FHAD1: variants seen among roughly 807,000 people sequenced by gnomAD.
The protein encoded by FHAD1 is forkhead-associated domain-containing protein 1.
FHAD1 carries 146 observed loss-of-function variants against 191.3 expected under a neutral mutation model. That is an observed-to-expected ratio of 0.76 (90% CI 0.67 to 0.88). The LOEUF (loss-of-function observed/expected upper bound fraction) is 0.88. Among genes scored for constraint, FHAD1 ranks in the 40% least tolerant of loss-of-function variants. The probability of loss-of-function intolerance (pLI) is 0.00; values close to 1 mark genes in which losing one functional copy is unlikely to be tolerated. For synonymous variants in FHAD1, 616 were observed against 672.3 expected (o/e 0.92, Z 1.29); for missense variants, 1,635 against 1,785.8 (o/e 0.92, Z 1.52).
At chr1:15,245,019 G>A (rs942817099), upstream of FHAD1, among the ~76,000 whole-genome samples, 4 of 152,180 alleles carry the variant, frequency 2.6e-5, no homozygotes, top group Non-Finnish European at 5.9e-5. Context: ...ATCACATGAT[G>A]AGAGAGGAAG....
intron 28 of FHAD1, among the ~76,000 whole-genome samples, chr1:15,376,759 G>A (rs1699765290): frequency 6.6e-6 from 1 of 152,206 alleles, no homozygotes; most frequent in South Asian, 2.1e-4. Flanking sequence ...AAATAGGCCA[G>A]GTGTGGTGGC....
Position 15,308,745 on chromosome 1 carries a change from T to C in FHAD1, c.1039+9T>C. 1 of 1,551,566 alleles carries C rather than the reference T, an allele frequency of 6.4e-7. No individual in the cohort carries two copies. The highest frequency in any genetic ancestry group is 8.7e-7 in the Non-Finnish European group (1 of 1,146,912). ...CAACGCTATCACATCAGGTGAGCCC[T>C]TGGAGTCGGGCCTGGGAGCTGCCAC... On this transcript the variant is annotated intron_variant, in intron 7 of 33. Coordinates refer to ENST00000688493, the MANE Select transcript of FHAD1 (RefSeq NM_001391957.1).
intron 20 of FHAD1, 59 bp downstream of exon 20, chr1:15,353,043 T>G: frequency 2.4e-6 from 3 of 1,274,792 alleles, no homozygotes; most frequent in Non-Finnish European, 3.3e-6. Context: ...GGCAGTGCTC[T>G]AGAGCCAGGC....
At chr1:15,250,981 CG>C (rs2100764268) in intron 1 of FHAD1, among the ~76,000 whole-genome samples, 1 of 152,262 alleles carries the variant, frequency 6.6e-6, no homozygotes, top group Admixed American at 6.5e-5. Context: ...AGATACCTCA[CG>C]TATATTATTG....
intron 2 of FHAD1, among the ~76,000 whole-genome samples, chr1:15,262,483 C>G (rs1429745834): frequency 3.3e-5 from 5 of 152,154 alleles, no homozygotes; most frequent in African/African-American, 9.7e-5. Flanking sequence ...TGTTTCCAGG[C>G]TGGCCTCTAA....
At position 15,377,569 on chromosome 1, in the gene FHAD1, G is replaced by A. The variant is rs8179371; in HGVS notation, c.3705+1839G>A. The stretch of plus-strand genomic sequence containing the variant: ...TTAAGATAAAGGGGCCAAGCACAGT[G>A]GCTCATGCCTGTAATCCCAGCACTT... On this transcript the variant is annotated intron_variant, in intron 28 of 33. Coordinates refer to ENST00000688493, the MANE Select transcript of FHAD1 (RefSeq NM_001391957.1). 2.0e-3 allele frequency among the ~76,000 whole-genome samples: 308 copies of A among 152,318 alleles called. 4 individuals are homozygous for A. In the East Asian group the frequency reaches 0.049, roughly 24 times the overall value.
At chr1:15,340,891 CTTTA>C (rs1228116614) in intron 15 of FHAD1, among the ~76,000 whole-genome samples, 1 of 152,048 alleles carries the variant, frequency 6.6e-6, no homozygotes, top group African/African-American at 2.4e-5. Context: ...TCCAATAAAA[CTTTA>C]TTTACGGCGG....
intron 26 of FHAD1, among the ~76,000 whole-genome samples, chr1:15,370,650 T>C (rs1186715492): frequency 6.6e-6 from 1 of 152,226 alleles, no homozygotes; most frequent in African/African-American, 2.4e-5. Flanking sequence ...AGTGTGTCTT[T>C]GAGTGAAAAC....
At position 15,344,127 on chromosome 1, in the gene FHAD1, G is replaced by A. The variant is rs145051278; in HGVS notation, c.2131-956G>A. Among the ~76,000 whole-genome samples the A allele has an allele frequency of 5.3e-5, 8 of 152,268 alleles. No homozygotes were observed. In the East Asian group the frequency reaches 9.7e-4, roughly 18 times the overall value. On this transcript the variant is annotated intron_variant, in intron 16 of 33. Transcript: ENST00000688493. The stretch of plus-strand genomic sequence containing the variant: ...AGACAGACTGTGACACTCGAAGGTC[G>A]CCCTTCCTCTGATACTCGGATTGAT...
At chr1:15,399,067 C>T (rs976233551), downstream of FHAD1, among the ~76,000 whole-genome samples, 1 of 152,148 alleles carries the variant, frequency 6.6e-6, no homozygotes, top group Non-Finnish European at 1.5e-5. Flanking sequence ...GGTGATCCAC[C>T]CACCTTGGCG....
intron 15 of FHAD1, among the ~76,000 whole-genome samples, chr1:15,341,301 G>A (rs994002975): frequency 1.3e-5 from 2 of 152,190 alleles, no homozygotes; most frequent in Non-Finnish European, 1.5e-5. Flanking sequence ...TTATTTTTCA[G>A]ATAAGGACAA....
In FHAD1 at chr1:15,325,563, T is replaced by G. The variant is rs953451666; in HGVS notation, c.1473+1004T>G. ...TCACCACTGTAACCGCCAGCACCATTTCTCCTGTGGGGGCGCCAGCCCCTT... is the reference window on the plus strand; with the variant it reads ...TCACCACTGTAACCGCCAGCACCATGTCTCCTGTGGGGGCGCCAGCCCCTT... On this transcript the variant is annotated intron_variant, in intron 11 of 33. Coordinates refer to ENST00000688493, the MANE Select transcript of FHAD1 (RefSeq NM_001391957.1). The surrounding 1 kb of genome is among the most constrained non-coding windows in gnomAD (Gnocchi z 4.6). The G allele has an allele frequency of 8.5e-5, 13 of 152,792 alleles. No homozygotes were observed. The highest frequency in any genetic ancestry group is 3.8e-4 in the East Asian group (2 of 5,204). The allele number at this position is 152,792 out of a possible 1,614,324, so 9.5% of individuals were successfully genotyped here.
intron 4 of FHAD1, among the ~76,000 whole-genome samples, chr1:15,290,592 G>T (rs1027537166): frequency 3.3e-5 from 5 of 152,008 alleles, no homozygotes; most frequent in Non-Finnish European, 7.4e-5. Flanking sequence ...GTGTCTCCAC[G>T]GTTTACATCA....
At chr1:15,294,790 T>G (rs1666371141) in intron 4 of FHAD1, among the ~76,000 whole-genome samples, 1 of 152,046 alleles carries the variant, frequency 6.6e-6, no homozygotes, top group Non-Finnish European at 1.5e-5. Flanking sequence ...TACTCAAAAT[T>G]GTCCCCAGAT....
intron 32 of FHAD1, among the ~76,000 whole-genome samples, chr1:15,390,303 C>T (rs1188983990): frequency 1.4e-5 from 2 of 146,042 alleles, no homozygotes; most frequent in Non-Finnish European, 3.0e-5. Flanking sequence ...CGAGATCGCA[C>T]CACTGCACTC....
At position 15,313,169 on chromosome 1, in the gene FHAD1, GGAA is replaced by G; in HGVS notation, c.1154_1156del (p.Glu385del). ...AGAACAAGGACAAGGACCACCAGCT[GGAA>G]GCCCTTGGCTCTAGAGTGAGTAAGG... is the stretch of plus-strand genomic sequence containing the variant. On this transcript the variant is annotated inframe_deletion, in exon 8 of 34. Coordinates refer to ENST00000688493, the MANE Select transcript of FHAD1 (RefSeq NM_001391957.1). 6.4e-7 allele frequency: 1 copy of G among 1,551,970 alleles called. No individual in the cohort carries two copies. The highest frequency in any genetic ancestry group is 8.7e-7 in the Non-Finnish European group (1 of 1,147,034).
rs1428396562 is a variant in FHAD1, at chr1:15,316,323, G to A, written c.1171-55G>A. The stretch of plus-strand genomic sequence containing the variant: ...GGGCCTTGGAGCCCCTCCTTCCCCC[G>A]ACAACCCTACCTGGCCAACGTTGGC... On this transcript the variant is annotated intron_variant, in intron 8 of 33. Coordinates refer to ENST00000688493, the MANE Select transcript of FHAD1 (RefSeq NM_001391957.1). The surrounding 1 kb of genome is among the most constrained non-coding windows in gnomAD (Gnocchi z 4.3). The A allele has an allele frequency of 2.4e-5, 35 of 1,446,082 alleles. No individual in the cohort carries two copies. The Admixed American group carries it at 4.4e-4, about 18-fold the overall frequency. The allele number at this position is 1,446,082 out of a possible 1,614,324, so 89.6% of individuals were successfully genotyped here. A position where few individuals can be genotyped will look rare whatever the true frequency, so the allele number is the denominator to read the frequency against.
chr1:15,308,041 T>C (rs1671069082), intron 6 of FHAD1, among the ~76,000 whole-genome samples: 1 of 152,198 alleles, frequency 6.6e-6, no homozygotes, highest in Non-Finnish European at 1.5e-5. Context: ...AAACCTCTTT[T>C]TCTTCCCAGT....
In FHAD1 at chr1:15,289,385, G is replaced by C. The variant is rs1281353978; in HGVS notation, c.301-14G>C. On this transcript the variant is annotated splice_polypyrimidine_tract_variant and intron_variant, in intron 3 of 33. Transcript: ENST00000688493. This position sits in a 1 kb window ranked among gnomAD's most constrained non-coding sequence, Gnocchi z 4.2. ...CCGGTCATAACCTCCCCTGACCCTT[G>C]TCTGCCCCTGCAGGTCTCTTTCCCA... The C allele has an allele frequency of 1.3e-6, 2 of 1,550,252 alleles. No individual in the cohort carries two copies. The highest frequency in any genetic ancestry group is 1.4e-5 in the African/African-American group (1 of 73,138).
Sources: gnomAD v4.1 joint callset for allele counts (sites outside exome capture counted in the v4.1 genomes callset) on GRCh38, gnomAD v4.1.1 for gene constraint, Gnocchi (gnomAD v3.1) non-coding constraint, MANE v1.5 for transcripts, NCBI Gene and HGNC (gene_info 2026-07-23, HGNC 2026-07-21) for gene names.